INPP4B: variants seen among roughly 807,000 people sequenced by gnomAD.
The protein encoded by INPP4B is inositol polyphosphate 4-phosphatase type II.
A neutral mutation model predicts 122.5 loss-of-function variants in INPP4B; 55 were observed. The observed-to-expected ratio is 0.45, with a 90% CI of 0.36 to 0.56. The LOEUF (loss-of-function observed/expected upper bound fraction) is 0.56. Ranked by LOEUF, INPP4B falls within the 20% of genes least tolerant of loss-of-function variation. INPP4B has a pLI of 0.00. For missense variants in INPP4B, 1,000 were observed against 1,097.7 expected (o/e 0.91, Z 1.26); for synonymous variants, 403 against 388.7 (o/e 1.04, Z -0.43).
At chr4:142,244,204 T>C (rs1860950063) in intron 11 of INPP4B, among the ~76,000 whole-genome samples, 2 of 151,674 alleles carry the variant, frequency 1.3e-5, no homozygotes, top group Admixed American at 6.6e-5. Context: ...GAATAATGGT[T>C]TCCAGCTTCA....
At chr4:142,292,921 A>G (rs1439771111) in intron 9 of INPP4B, among the ~76,000 whole-genome samples, 1 of 152,164 alleles carries the variant, frequency 6.6e-6, no homozygotes, top group African/African-American at 2.4e-5. Flanking sequence ...CTTTCATTTG[A>G]TAATTTGTTA....
At chr4:142,156,156 T>C (rs1271570862) in intron 17 of INPP4B, among the ~76,000 whole-genome samples, 7 of 151,880 alleles carry the variant, frequency 4.6e-5, no homozygotes, top group Non-Finnish European at 1.0e-4. Flanking sequence ...TCTGTCTAAA[T>C]ACTAAGAATT....
intron 25 of INPP4B, among the ~76,000 whole-genome samples, chr4:142,061,866 A>ATG (rs1491291796): frequency 1.4e-4 from 2 of 14,148 alleles, no homozygotes; most frequent in Non-Finnish European, 5.3e-4. Flanking sequence ...ATATATATGT[A>ATG]CACACACACA....
intron 2 of INPP4B, among the ~76,000 whole-genome samples, chr4:142,676,864 G>A (rs766358545): frequency 4.6e-5 from 7 of 151,576 alleles, no homozygotes; most frequent in South Asian, 4.2e-4. Flanking sequence ...AGACTTAAAC[G>A]TAAGACCTAA....
intron 2 of INPP4B, among the ~76,000 whole-genome samples, chr4:142,512,260 G>A (rs564108151): frequency 2.1e-4 from 32 of 152,118 alleles, no homozygotes; most frequent in Non-Finnish European, 2.1e-4. Context: ...ACAGCACCAT[G>A]CTAGACCCTG....
intron 2 of INPP4B, among the ~76,000 whole-genome samples, chr4:142,534,469 C>T (rs1057186287): frequency 6.6e-6 from 1 of 152,042 alleles, no homozygotes; most frequent in East Asian, 1.9e-4. Flanking sequence ...GACACAGAAA[C>T]ACGGGCCATC....
intron 2 of INPP4B, among the ~76,000 whole-genome samples, chr4:142,551,303 G>C (rs1193299315): frequency 6.6e-6 from 1 of 152,110 alleles, no homozygotes; most frequent in Non-Finnish European, 1.5e-5. Context: ...GCAGAGTCTG[G>C]GCTTACAAAG....
At chr4:142,703,893 C>T (rs181947368) in intron 2 of INPP4B, among the ~76,000 whole-genome samples, 1 of 152,220 alleles carries the variant, frequency 6.6e-6, no homozygotes, top group Non-Finnish European at 1.5e-5. Flanking sequence ...ATTTGGTGCA[C>T]CCCAGTATGA....
chr4:142,288,994 C>A (rs1236971852), intron 9 of INPP4B, among the ~76,000 whole-genome samples: 4 of 152,142 alleles, frequency 2.6e-5, no homozygotes, highest in Non-Finnish European at 5.9e-5. Context: ...ATTCAGTTTT[C>A]TGCAATGTCA....
At chr4:142,129,332 T>C (rs3775655) in intron 18 of INPP4B, among the ~76,000 whole-genome samples, 17,172 of 152,174 alleles carry the variant, frequency 0.11, 1,099 homozygotes, top group East Asian at 0.24. Flanking sequence ...TTTTTGTTGA[T>C]TTTGAAGGGC....
chr4:142,436,319 T>C (rs2149406954), intron 3 of INPP4B, among the ~76,000 whole-genome samples: 1 of 152,312 alleles, frequency 6.6e-6, no homozygotes, highest in East Asian at 1.9e-4. Flanking sequence ...AGACTTAGTC[T>C]TTCCTCCTGC....
chr4:142,145,772 A>AT (rs372112547), intron 18 of INPP4B, 68 bp downstream of exon 18: 3,366 of 1,414,850 alleles, frequency 2.4e-3, no homozygotes, highest in Middle Eastern at 7.0e-3. Context: ...CTTCTATATC[A>AT]TTTTTTTTTC....
chr4:142,368,120 A>T (rs1181417122), intron 7 of INPP4B, among the ~76,000 whole-genome samples: 2 of 152,172 alleles, frequency 1.3e-5, no homozygotes, highest in South Asian at 4.1e-4. Context: ...ACAAATATAA[A>T]ATAACTCATT....
At chr4:142,382,682 TA>T (rs931848151) in intron 7 of INPP4B, among the ~76,000 whole-genome samples, 1 of 146,060 alleles carries the variant, frequency 6.8e-6, no homozygotes, top group Non-Finnish European at 1.5e-5. Context: ...TATTTATATA[TA>T]AAAAATTAGG....
At chr4:142,731,243 A>G (rs1024657581) in intron 1 of INPP4B, among the ~76,000 whole-genome samples, 4 of 152,204 alleles carry the variant, frequency 2.6e-5, no homozygotes, top group African/African-American at 9.7e-5. Flanking sequence ...AGCAGAAAAC[A>G]AAATAACATG....
intron 2 of INPP4B, among the ~76,000 whole-genome samples, chr4:142,700,588 G>A (rs887778264): frequency 5.9e-5 from 9 of 152,082 alleles, no homozygotes; most frequent in African/African-American, 1.9e-4. Flanking sequence ...GGAAAGAAAA[G>A]AGCAATCTTA....
chr4:142,090,283 A>C (rs1255075248), intron 23 of INPP4B, among the ~76,000 whole-genome samples: 1 of 97,640 alleles, frequency 1.0e-5, no homozygotes, highest in Admixed American at 1.4e-4. Context: ...TTACAAGAAA[A>C]GTAATTTTGA....
intron 1 of INPP4B, among the ~76,000 whole-genome samples, chr4:142,811,298 G>A (rs1779489102): frequency 6.6e-6 from 1 of 152,212 alleles, no homozygotes; most frequent in Non-Finnish European, 1.5e-5. Context: ...AAGGAAGGCA[G>A]CATTAGTGCA....
intron 2 of INPP4B, among the ~76,000 whole-genome samples, chr4:142,637,291 A>C (rs1749370501): frequency 6.6e-6 from 1 of 152,148 alleles, no homozygotes; most frequent in Non-Finnish European, 1.5e-5. Flanking sequence ...ACACCATTGT[A>C]GTACAGTACA....
Sources: allele counts gnomAD v4.1 joint callset (sites outside exome capture counted in the v4.1 genomes callset), GRCh38; gene constraint gnomAD v4.1.1; transcripts MANE v1.5; gene names NCBI Gene and HGNC (gene_info 2026-07-23, HGNC 2026-07-21).